The following DOK5 variants were observed in gnomAD, a reference collection of about 807,000 sequenced individuals.
The protein encoded by DOK5 is docking protein 5.
In DOK5, 27 loss-of-function variants were observed where a neutral mutation model predicts 43.3. The ratio of observed to expected loss-of-function variants is 0.62; its 90% CI spans 0.46 to 0.86. The LOEUF (loss-of-function observed/expected upper bound fraction) is 0.86, where lower values mean the gene tolerates loss of function less well. Ranked by LOEUF, DOK5 falls within the 40% of genes least tolerant of loss-of-function variation. The pLI is 0.00. For synonymous variants in DOK5, 146 were observed against 140.1 expected (o/e 1.04, Z -0.30); for missense variants, 373 against 392.9 (o/e 0.95, Z 0.43).
intron 1 of DOK5, among the ~76,000 whole-genome samples, chr20:54,553,173 G>A (rs1184284382): frequency 6.6e-6 from 1 of 151,726 alleles, no homozygotes; most frequent in Admixed American, 6.6e-5. Flanking sequence ...ATTTTGTTTT[G>A]GGTTTTTTCC....
At chr20:54,632,260 C>T (rs1254778645) in intron 6 of DOK5, among the ~76,000 whole-genome samples, 1 of 152,176 alleles carries the variant, frequency 6.6e-6, no homozygotes, top group Non-Finnish European at 1.5e-5. Flanking sequence ...TCAATGTATT[C>T]TCTAAGCATA....
At chr20:54,595,155 C>A (rs543575433) in intron 5 of DOK5, among the ~76,000 whole-genome samples, 4 of 152,264 alleles carry the variant, frequency 2.6e-5, no homozygotes, top group Non-Finnish European at 5.9e-5. Flanking sequence ...TCCTGGCTAA[C>A]ACGGTGAAAC....
chr20:54,633,608 T>C (rs771427895), intron 6 of DOK5, among the ~76,000 whole-genome samples: 4 of 152,232 alleles, frequency 2.6e-5, no homozygotes, highest in Non-Finnish European at 5.9e-5. Context: ...CTGAATCTTA[T>C]CAAGACAGTG....
intron 1 of DOK5, among the ~76,000 whole-genome samples, chr20:54,546,897 T>A (rs1181276302): frequency 6.6e-6 from 1 of 151,924 alleles, no homozygotes; most frequent in Non-Finnish European, 1.5e-5. Context: ...GTGGAGGGGG[T>A]TGAAAAAGCC....
At chr20:54,530,622 GC>G (rs1004055400) in intron 1 of DOK5, among the ~76,000 whole-genome samples, 2 of 152,140 alleles carry the variant, frequency 1.3e-5, no homozygotes, top group African/African-American at 4.8e-5. Context: ...GCCATCCTGA[GC>G]CCTCATTCTT....
chr20:54,500,329 A>G (rs189801246), intron 1 of DOK5, among the ~76,000 whole-genome samples: 127 of 152,298 alleles, frequency 8.3e-4, no homozygotes, highest in Non-Finnish European at 1.6e-3. Context: ...AACACTGGAC[A>G]CGAAAAAAAT....
At chr20:54,517,739 C>A (rs891152960) in intron 1 of DOK5, among the ~76,000 whole-genome samples, 2 of 151,962 alleles carry the variant, frequency 1.3e-5, no homozygotes, top group Non-Finnish European at 2.9e-5. Flanking sequence ...GGAGATGGGG[C>A]CTTTGGGAGG....
At chr20:54,632,425 G>T (rs1202836456) in intron 6 of DOK5, among the ~76,000 whole-genome samples, 2 of 152,298 alleles carry the variant, frequency 1.3e-5, no homozygotes, top group East Asian at 3.9e-4. Flanking sequence ...AGAAATTCTT[G>T]TTAAAGACAG....
At chr20:54,573,471 A>T (rs1193725428) in intron 2 of DOK5, among the ~76,000 whole-genome samples, 1 of 152,116 alleles carries the variant, frequency 6.6e-6, no homozygotes, top group African/African-American at 2.4e-5. Flanking sequence ...GCAGATCATG[A>T]GGTCAAGAGA....
At chr20:54,477,094 A>G (rs924039971) in intron 1 of DOK5, among the ~76,000 whole-genome samples, 30 of 152,162 alleles carry the variant, frequency 2.0e-4, no homozygotes, top group African/African-American at 7.2e-4. Context: ...AATGCCTGAA[A>G]TAAGTATAAT....
At chr20:54,642,564 A>G (rs796425944) in intron 6 of DOK5, among the ~76,000 whole-genome samples, 4 of 149,798 alleles carry the variant, frequency 2.7e-5, no homozygotes, top group African/African-American at 7.4e-5. Flanking sequence ...AAAAAAAAAA[A>G]AAAAGAAAAA....
At chr20:54,570,612 G>A (rs1426797958) in intron 2 of DOK5, among the ~76,000 whole-genome samples, 2 of 151,650 alleles carry the variant, frequency 1.3e-5, no homozygotes, top group African/African-American at 4.8e-5. Context: ...ATTACCATCA[G>A]CAAAAGAAAG....
chr20:54,507,353 C>A (rs547443504), intron 1 of DOK5, among the ~76,000 whole-genome samples: 1 of 152,010 alleles, frequency 6.6e-6, no homozygotes, highest in Non-Finnish European at 1.5e-5. Flanking sequence ...TTCCTAGAAG[C>A]CACATTAAAA....
chr20:54,503,605 A>G (rs997299278), intron 1 of DOK5, among the ~76,000 whole-genome samples: 1 of 151,494 alleles, frequency 6.6e-6, no homozygotes, highest in Non-Finnish European at 1.5e-5. Flanking sequence ...TTTTTTTTGG[A>G]TTTTTATAGC....
rs563697507 is a variant in DOK5 at position 54,641,396 on chromosome 20, C to T, written c.736-2062C>T. On this transcript the variant is annotated intron_variant, in intron 6 of 7. Coordinates refer to ENST00000262593, the MANE Select transcript of DOK5 (RefSeq NM_018431.5). ...GAGTTTTGGTCTTCAACATATGAAG[C>T]CTCCTATTATTTTGGCTTTACTGAG... 3.9e-5 allele frequency among the ~76,000 whole-genome samples: 6 copies of T among 151,996 alleles called. No homozygotes were observed. In the East Asian group the frequency reaches 9.7e-4, roughly 24 times the overall value.
At chr20:54,577,122 G>C (rs1476260279) in intron 2 of DOK5, among the ~76,000 whole-genome samples, 1 of 152,182 alleles carries the variant, frequency 6.6e-6, no homozygotes, top group East Asian at 1.9e-4. Flanking sequence ...TTCTAGATTT[G>C]AGTATGGCTC....
At chr20:54,555,070 A>G in intron 2 of DOK5, 30 bp downstream of exon 2, 2 of 1,489,482 alleles carry the variant, frequency 1.3e-6, no homozygotes, top group Non-Finnish European at 9.4e-7. Flanking sequence ...GCTTTCCAGT[A>G]ATCTATTTAC....
At chr20:54,498,376 T>G (rs6023301) in intron 1 of DOK5, among the ~76,000 whole-genome samples, 8 of 152,336 alleles carry the variant, frequency 5.3e-5, no homozygotes, top group African/African-American at 1.9e-4. Context: ...GATTAAATTG[T>G]CTTATTTCAT....
At chr20:54,568,791 G>A (rs916569452) in intron 2 of DOK5, among the ~76,000 whole-genome samples, 5 of 152,044 alleles carry the variant, frequency 3.3e-5, no homozygotes, top group Admixed American at 3.3e-4. Context: ...TTAGCCGGGT[G>A]TGGTGGCGGG....
Sources: allele counts gnomAD v4.1 joint callset (sites outside exome capture counted in the v4.1 genomes callset), GRCh38; gene constraint gnomAD v4.1.1; transcripts MANE v1.5; gene names NCBI Gene and HGNC (gene_info 2026-07-23, HGNC 2026-07-21).